LCP1: variants seen among roughly 807,000 people sequenced by gnomAD.
LCP1 encodes the protein plastin-2.
In LCP1, 23 loss-of-function variants were observed where a neutral mutation model predicts 72.0. The ratio of observed to expected loss-of-function variants is 0.32; its 90% CI spans 0.23 to 0.45. The LOEUF is 0.45. LCP1 is among the 20% of genes least tolerant of loss of function. The pLI is 1.00. For synonymous variants in LCP1, 245 were observed against 275.4 expected (o/e 0.89, Z 1.09); for missense variants, 571 against 748.3 (o/e 0.76, Z 2.76).
intron 12 of LCP1, chr13:46,142,649 G>T: frequency 1.7e-6 from 1 of 582,216 alleles, no homozygotes; most frequent in South Asian, 1.8e-5. Flanking sequence ...GTGGAAAACT[G>T]AAATGAATTC....
At chr13:46,174,687 T>C (rs1413860788) in intron 1 of LCP1, among the ~76,000 whole-genome samples, 1 of 151,858 alleles carries the variant, frequency 6.6e-6, no homozygotes, top group Non-Finnish European at 1.5e-5. Flanking sequence ...CTACTAAAAA[T>C]ACAAAAACAT....
chr13:46,159,782 ATTC>A (rs1188322827), intron 1 of LCP1, 96 bp from the exon 2 acceptor site: 4 of 705,368 alleles, frequency 5.7e-6, no homozygotes, highest in Admixed American at 5.0e-5. Flanking sequence ...ATGAAGAAAT[ATTC>A]TTCTGCATCC....
intron 1 of LCP1, among the ~76,000 whole-genome samples, chr13:46,178,272 T>TC (rs1180755501): frequency 4.0e-5 from 6 of 151,068 alleles, no homozygotes; most frequent in Admixed American, 6.6e-5. Context: ...CGCCTTCCAC[T>TC]CCCCCCCATC....
At chr13:46,177,405 G>T (rs1429690118) in intron 1 of LCP1, among the ~76,000 whole-genome samples, 2 of 152,194 alleles carry the variant, frequency 1.3e-5, no homozygotes, top group Non-Finnish European at 2.9e-5. Flanking sequence ...ACTTTGGGAG[G>T]CCGAGGCAGG....
At chr13:46,136,507 G>A (rs1004383378) in intron 13 of LCP1, among the ~76,000 whole-genome samples, 1 of 152,152 alleles carries the variant, frequency 6.6e-6, no homozygotes, top group Non-Finnish European at 1.5e-5. Context: ...AAAGCAAGGG[G>A]ATAAGAAAGA....
intron 6 of LCP1, chr13:46,153,160 A>C (rs2045779698): frequency 6.8e-6 from 3 of 441,532 alleles, no homozygotes; most frequent in Non-Finnish European, 8.1e-6. Flanking sequence ...TGGTCCATTC[A>C]ATCAAACCAG....
chr13:46,163,216 G>A (rs1310093859), intron 1 of LCP1, among the ~76,000 whole-genome samples: 3 of 152,266 alleles, frequency 2.0e-5, no homozygotes, highest in African/African-American at 7.2e-5. Flanking sequence ...GTGGGGAAAA[G>A]ATAGAGAAAT....
chr13:46,164,701 G>A (rs949978498), intron 1 of LCP1, among the ~76,000 whole-genome samples: 1 of 152,222 alleles, frequency 6.6e-6, no homozygotes, highest in Non-Finnish European at 1.5e-5. Context: ...GATATCTGGA[G>A]AGAGTCCCTT....
At chr13:46,132,959 A>C (rs1194470328) in intron 14 of LCP1, among the ~76,000 whole-genome samples, 2 of 152,174 alleles carry the variant, frequency 1.3e-5, no homozygotes, top group Non-Finnish European at 2.9e-5. Context: ...CCTAATCCTG[A>C]CCTTCAAGCT....
At chr13:46,181,717 A>G (rs7338001) in intron 1 of LCP1, among the ~76,000 whole-genome samples, 109,703 of 152,116 alleles carry the variant, frequency 0.72, 40,012 homozygotes, top group East Asian at 0.87. Context: ...CCAATAAGCC[A>G]TACAATCTAA....
At chr13:46,149,832 T>C (rs548144107) in intron 8 of LCP1, among the ~76,000 whole-genome samples, 1 of 152,346 alleles carries the variant, frequency 6.6e-6, no homozygotes, top group East Asian at 1.9e-4. Flanking sequence ...AGTTTTGCAA[T>C]TGCAGAGCTT....
chr13:46,162,248 T>TCCCTCC (rs1566443403), intron 1 of LCP1, among the ~76,000 whole-genome samples: 4 of 102,986 alleles, frequency 3.9e-5, no homozygotes, highest in Non-Finnish European at 6.0e-5. Context: ...GTTCTCCCTC[T>TCCCTCC]CCCTCCCCCT....
chr13:46,165,202 C>T lies in LCP1; in HGVS notation c.-24-5516G>A, dbSNP rs529138730. The stretch of plus-strand genomic sequence containing the variant: ...CAGCCTGGGCAACATGGTGAAACCC[C>T]ATCTCTACCAAAAATACAAAAATTA... On this transcript the variant is annotated intron_variant, in intron 1 of 15. Transcript: ENST00000323076. Among the ~76,000 whole-genome samples the T allele has an allele frequency of 2.2e-4, 34 of 152,036 alleles. No individual in the cohort carries two copies. In the South Asian group the frequency reaches 4.2e-3, roughly 19 times the overall value.
intron 14 of LCP1, 49 bp downstream of exon 14, chr13:46,134,077 AG>A: frequency 6.3e-7 from 1 of 1,598,848 alleles, no homozygotes; most frequent in Non-Finnish European, 8.6e-7. Context: ...AAAACAATAC[AG>A]ATAGGCATAG....
At chr13:46,176,639 T>G (rs1443040041) in intron 1 of LCP1, among the ~76,000 whole-genome samples, 3 of 151,918 alleles carry the variant, frequency 2.0e-5, no homozygotes, top group Non-Finnish European at 4.4e-5. Flanking sequence ...GGGTATTATT[T>G]AAATACAAGG....
intron 8 of LCP1, 89 bp from the exon 9 acceptor site, chr13:46,148,536 A>T (rs1391559643): frequency 1.2e-6 from 1 of 820,106 alleles, no homozygotes; most frequent in African/African-American, 1.7e-5. Flanking sequence ...CAAACATTTT[A>T]TTTCATATTC....
intron 8 of LCP1, chr13:46,148,653 G>T (rs968134290): frequency 3.9e-6 from 2 of 515,586 alleles, no homozygotes; most frequent in South Asian, 2.4e-5. Flanking sequence ...TAAAAGGAGC[G>T]TAACAATAAA....
At chr13:46,171,140 A>G (rs1442502042) in intron 1 of LCP1, among the ~76,000 whole-genome samples, 1 of 152,342 alleles carries the variant, frequency 6.6e-6, no homozygotes, top group South Asian at 2.1e-4. Flanking sequence ...TCAGTGCTAA[A>G]TGTTTTACAT....
chr13:46,129,838 A>G (rs1404087003), intron 15 of LCP1, among the ~76,000 whole-genome samples: 1 of 152,152 alleles, frequency 6.6e-6, no homozygotes, highest in African/African-American at 2.4e-5. Context: ...GTTGCTGCAG[A>G]TGTAAGTAGT....
Sources: gnomAD v4.1 joint callset for allele counts (sites outside exome capture counted in the v4.1 genomes callset) on GRCh38, gnomAD v4.1.1 for gene constraint, MANE v1.5 for transcripts, NCBI Gene and HGNC (gene_info 2026-07-23, HGNC 2026-07-21) for gene names.